The following PPP2R2B variants were observed in gnomAD, a reference collection of about 807,000 sequenced individuals.
The protein encoded by PPP2R2B is serine/threonine-protein phosphatase 2A 55 kDa regulatory subunit B beta isoform.
Under a neutral mutation model 46.0 loss-of-function variants are expected in PPP2R2B, and 5 were observed. That is an observed-to-expected ratio of 0.11 (90% CI 0.06 to 0.23). PPP2R2B has a LOEUF of 0.23. PPP2R2B is among the 10% of genes least tolerant of loss of function. PPP2R2B has a pLI of 1.00. For missense variants in PPP2R2B, 367 were observed against 575.0 expected, an observed-to-expected ratio of 0.64 and a Z score of 3.70; for synonymous variants, 215 against 206.7, an observed-to-expected ratio of 1.04 and a Z score of -0.34.
rs1770305893 is a variant in PPP2R2B, at chr5:146,588,702, C to CATCT, written c.*1241_*1244dup. 6.6e-6 allele frequency: 1 copy of CATCT among 151,010 alleles called. No homozygotes were observed. Among genetic ancestry groups the CATCT allele is most frequent in the Non-Finnish European group, 1.5e-5 (1 of 68,010 alleles). 9.4% of individuals were successfully genotyped at this position (151,010 alleles called of 1,614,324 possible). A position where few individuals can be genotyped will look rare whatever the true frequency, so the allele number is the denominator to read the frequency against. On this transcript the variant is annotated 3_prime_UTR_variant, in exon 10 of 10. Transcript: ENST00000394411. ...TCCTCAACTGGGGAAAAGGATGAAC[C>CATCT]ATCTTCCACAGCTTCAAGTGGACTT... is the stretch of plus-strand genomic sequence containing the variant.
chr5:146,627,949 ATT>A (rs536894043), intron 7 of PPP2R2B, among the ~76,000 whole-genome samples: 1 of 145,742 alleles, frequency 6.9e-6, no homozygotes. Flanking sequence ...AACATCTCAG[ATT>A]TTTTTTTTTT....
chr5:146,744,409 C>T (rs774344450), intron 2 of PPP2R2B, among the ~76,000 whole-genome samples: 8 of 152,208 alleles, frequency 5.3e-5, no homozygotes, highest in Non-Finnish European at 1.2e-4. Context: ...GGCCCTTAGG[C>T]TTCAGTGCAC....
chr5:146,849,642 CT>C (rs1226969732), intron 2 of PPP2R2B, among the ~76,000 whole-genome samples: 1 of 152,048 alleles, frequency 6.6e-6, no homozygotes, highest in Non-Finnish European at 1.5e-5. Flanking sequence ...AGAGGGTGCA[CT>C]AACAAAGGTC....
intron 5 of PPP2R2B, among the ~76,000 whole-genome samples, chr5:146,685,947 G>A (rs188713712): frequency 6.6e-6 from 1 of 152,052 alleles, no homozygotes; most frequent in Admixed American, 6.6e-5. Context: ...CGTTCTGAGA[G>A]ACATCAATCA....
intron 1 of PPP2R2B, among the ~76,000 whole-genome samples, chr5:146,902,581 CT>C (rs1253192592): frequency 2.0e-5 from 3 of 152,188 alleles, no homozygotes; most frequent in African/African-American, 4.8e-5. Context: ...TACACACGGC[CT>C]CGTTAAAGTG....
At chr5:146,909,036 G>A (rs1763095172) in intron 1 of PPP2R2B, among the ~76,000 whole-genome samples, 1 of 152,200 alleles carries the variant, frequency 6.6e-6, no homozygotes, top group Non-Finnish European at 1.5e-5. Flanking sequence ...CAAAGAGAAA[G>A]CAGATGGTCC....
intron 2 of PPP2R2B, among the ~76,000 whole-genome samples, chr5:146,865,190 C>T (rs751937923): frequency 7.2e-5 from 11 of 151,882 alleles, no homozygotes; most frequent in Non-Finnish European, 1.3e-4. Flanking sequence ...TAGAAAAATG[C>T]TAACAGTTTG....
intron 2 of PPP2R2B, among the ~76,000 whole-genome samples, chr5:146,800,844 T>C (rs946682268): frequency 3.3e-5 from 5 of 151,776 alleles, no homozygotes; most frequent in African/African-American, 4.8e-5. Flanking sequence ...CCATTCCCAA[T>C]AGCCAGATAT....
At chr5:146,874,907 C>T (rs1761811387) in intron 2 of PPP2R2B, among the ~76,000 whole-genome samples, 1 of 152,144 alleles carries the variant, frequency 6.6e-6, no homozygotes, top group Non-Finnish European at 1.5e-5. Flanking sequence ...TATATAACCC[C>T]ATACACACAC....
At chr5:146,757,973 T>C (rs1264598724) in intron 2 of PPP2R2B, among the ~76,000 whole-genome samples, 1 of 152,176 alleles carries the variant, frequency 6.6e-6, no homozygotes, top group Admixed American at 6.5e-5. Context: ...TAAGGAGATG[T>C]CCAAAGGAAA....
intron 2 of PPP2R2B, among the ~76,000 whole-genome samples, chr5:147,072,444 T>C (rs1318710310): frequency 6.6e-6 from 1 of 152,230 alleles, no homozygotes; most frequent in African/African-American, 2.4e-5. Flanking sequence ...TAAATATTTA[T>C]TAAGCCCCTG....
At chr5:146,601,991 A>C (rs1244355729) in intron 7 of PPP2R2B, among the ~76,000 whole-genome samples, 1 of 152,210 alleles carries the variant, frequency 6.6e-6, no homozygotes, top group African/African-American at 2.4e-5. Context: ...CTTGATTTTA[A>C]GTTGGATGTA....
chr5:146,987,584 AT>A lies in PPP2R2B; in HGVS notation c.79+68080del, dbSNP rs138615396. ...TTAAAATAGCTTATTATAGCTATAC[AT>A]TTTTTTAAGCCTCATGGTGACTACA... On this transcript the variant is annotated intron_variant, in intron 1 of 8. Transcript: ENST00000336640. Among the ~76,000 whole-genome samples, 1,707 of 152,040 alleles carry A rather than the reference AT, an allele frequency of 0.011. 101 individuals carry two copies. In the East Asian group the frequency reaches 0.18, roughly 16 times the overall value.
At chr5:146,706,247 C>T (rs1474181842) in intron 2 of PPP2R2B, 3 of 474,744 alleles carry the variant, frequency 6.3e-6, no homozygotes, top group African/African-American at 2.0e-5. Flanking sequence ...CTTCCCATCT[C>T]GGGTCTTGAT....
rs1774467437 is a variant in PPP2R2B at position 146,632,069 on chromosome 5, C to CCA, written c.790+6181_790+6182insTG. On this transcript the variant is annotated intron_variant, in intron 7 of 9. Coordinates refer to ENST00000394411, the MANE Select transcript of PPP2R2B (RefSeq NM_181675.4). ...ACTATGGGCTGAGTTGTGCCCCCCC[C>CCA]CCCGCCCATTCATATATTGAAGTCC... 5.3e-5 allele frequency among the ~76,000 whole-genome samples: 7 copies of CCA among 131,094 alleles called. No homozygotes were observed. In the South Asian group the frequency reaches 1.9e-3, roughly 35 times the overall value. 86.0% of individuals were successfully genotyped at this position (131,094 alleles called of 152,430 possible).
chr5:146,716,325 C>T (rs1297405819), intron 2 of PPP2R2B, among the ~76,000 whole-genome samples: 1 of 152,162 alleles, frequency 6.6e-6, no homozygotes, highest in African/African-American at 2.4e-5. Context: ...TTGTCACTTA[C>T]ATGTGTACTT....
chr5:146,715,599 T>A (rs1186421983), intron 2 of PPP2R2B, among the ~76,000 whole-genome samples: 1 of 152,184 alleles, frequency 6.6e-6, no homozygotes, highest in Non-Finnish European at 1.5e-5. Flanking sequence ...TCAAACTCCA[T>A]GAGTTTTAGT....
intron 2 of PPP2R2B, among the ~76,000 whole-genome samples, chr5:146,873,170 T>C (rs1308853603): frequency 2.6e-5 from 4 of 152,212 alleles, no homozygotes; most frequent in African/African-American, 9.6e-5. Context: ...CTGGGAGTTG[T>C]CCTTGACATC....
At chr5:146,952,597 T>C (rs1466410098) in intron 1 of PPP2R2B, among the ~76,000 whole-genome samples, 1 of 152,166 alleles carries the variant, frequency 6.6e-6, no homozygotes, top group Non-Finnish European at 1.5e-5. Context: ...AGATTTTCAA[T>C]GTGCTGAACT....
Sources: allele counts gnomAD v4.1 joint callset (sites outside exome capture counted in the v4.1 genomes callset), GRCh38; gene constraint gnomAD v4.1.1; transcripts MANE v1.5; gene names NCBI Gene and HGNC (gene_info 2026-07-23, HGNC 2026-07-21).